The following KCNMA1 variants were observed in gnomAD, a reference collection of about 807,000 sequenced individuals.
The protein encoded by KCNMA1 is Calcium-activated potassium channel subunit alpha-1.
Under a neutral mutation model 140.0 loss-of-function variants are expected in KCNMA1, and 29 were observed. The ratio of observed to expected loss-of-function variants is 0.21; its 90% CI spans 0.15 to 0.28. The LOEUF is 0.28. Ranked by LOEUF, KCNMA1 falls within the 10% of genes least tolerant of loss-of-function variation. The pLI, the probability that KCNMA1 is intolerant of heterozygous loss-of-function variation, is 1.00. For synonymous variants in KCNMA1, 612 were observed against 611.9 expected, an observed-to-expected ratio of 1.00 and a Z score of 0.00; for missense variants, 880 against 1,602.2, an observed-to-expected ratio of 0.55 and a Z score of 7.70.
intron 3 of KCNMA1, among the ~76,000 whole-genome samples, chr10:77,200,205 C>T (rs1420666863): frequency 2.0e-5 from 3 of 152,160 alleles, no homozygotes; most frequent in African/African-American, 4.8e-5. Flanking sequence ...CCTGTCTTGG[C>T]CTCCCAAAGT....
At chr10:77,422,783 G>A (rs1011720411) in intron 1 of KCNMA1, among the ~76,000 whole-genome samples, 1 of 152,160 alleles carries the variant, frequency 6.6e-6, no homozygotes, top group African/African-American at 2.4e-5. Flanking sequence ...GACTGGAGTG[G>A]TGGCTGCAAG....
At chr10:76,907,909 C>T (rs1177535546) in intron 25 of KCNMA1, among the ~76,000 whole-genome samples, 1 of 152,050 alleles carries the variant, frequency 6.6e-6, no homozygotes, top group Non-Finnish European at 1.5e-5. Flanking sequence ...GAAAAGTGAC[C>T]TTGCAAATTA....
At chr10:77,037,674 G>A (rs1024926360) in intron 15 of KCNMA1, among the ~76,000 whole-genome samples, 18 of 152,136 alleles carry the variant, frequency 1.2e-4, no homozygotes, top group African/African-American at 4.1e-4. Flanking sequence ...GGGGCTTGAC[G>A]GAGCCCCTGC....
chr10:77,281,411 C>T (rs1601110167), intron 2 of KCNMA1, among the ~76,000 whole-genome samples: 1 of 152,198 alleles, frequency 6.6e-6, no homozygotes, highest in Non-Finnish European at 1.5e-5. Flanking sequence ...CACCTTTGTG[C>T]AGTACTCAAC....
chr10:77,217,582 A>T (rs1565283213), intron 3 of KCNMA1: 1 of 456,340 alleles, frequency 2.2e-6, no homozygotes, highest in African/African-American at 2.0e-5. Context: ...ACATGGAGAT[A>T]CTTACAGATG....
At chr10:77,136,169 A>C (rs903785526) in intron 5 of KCNMA1, among the ~76,000 whole-genome samples, 2 of 152,248 alleles carry the variant, frequency 1.3e-5, no homozygotes, top group Non-Finnish European at 2.9e-5. Flanking sequence ...AGAAAATATA[A>C]CAAAATATGG....
chr10:77,122,065 C>T (rs1164768223), intron 5 of KCNMA1, among the ~76,000 whole-genome samples: 2 of 152,198 alleles, frequency 1.3e-5, no homozygotes, highest in African/African-American at 4.8e-5. Flanking sequence ...ACTCCACGCC[C>T]GTGGGTGGGG....
At chr10:77,095,563 G>A (rs906280509) in intron 9 of KCNMA1, among the ~76,000 whole-genome samples, 1 of 152,152 alleles carries the variant, frequency 6.6e-6, no homozygotes, top group Non-Finnish European at 1.5e-5. Context: ...GGAGGGGTAA[G>A]AATGACTTCA....
At chr10:77,084,972 G>A (rs917775615) in intron 11 of KCNMA1, among the ~76,000 whole-genome samples, 3 of 152,078 alleles carry the variant, frequency 2.0e-5, no homozygotes, top group Admixed American at 6.6e-5. Flanking sequence ...ATTTGGCATC[G>A]TTGCTTACTT....
At chr10:77,586,349 T>C (rs1488773791) in intron 1 of KCNMA1, 1 of 152,230 alleles carries the variant, frequency 6.6e-6, no homozygotes, top group Non-Finnish European at 1.5e-5. Context: ...TCGACGTCCT[T>C]TTCTTGTGCT....
At chr10:76,961,433 T>G (rs1355444673) in intron 20 of KCNMA1, among the ~76,000 whole-genome samples, 1 of 152,196 alleles carries the variant, frequency 6.6e-6, no homozygotes, top group Non-Finnish European at 1.5e-5. Flanking sequence ...TGGAAGCTAC[T>G]CCTAGTGAAG....
chr10:76,880,111 T>G (rs951136709), downstream of KCNMA1, among the ~76,000 whole-genome samples: 2 of 152,222 alleles, frequency 1.3e-5, no homozygotes. Flanking sequence ...GTGAAAGACC[T>G]AAGACAGCTG....
At chr10:76,979,048 T>C (rs2078584412) in intron 19 of KCNMA1, among the ~76,000 whole-genome samples, 1 of 152,178 alleles carries the variant, frequency 6.6e-6, no homozygotes, top group South Asian at 2.1e-4. Flanking sequence ...GGGCAAAAGC[T>C]TCTCTCACCT....
At chr10:76,878,008 G>A (rs562497976) in intron 29 of KCNMA1, 109 of 949,064 alleles carry the variant, frequency 1.1e-4, no homozygotes, top group Admixed American at 9.8e-4. Flanking sequence ...GATAGAAGCC[G>A]ACAGTGAGTA....
chr10:77,278,168 C>G (rs1369078731), intron 2 of KCNMA1, among the ~76,000 whole-genome samples: 1 of 152,172 alleles, frequency 6.6e-6, no homozygotes, highest in Non-Finnish European at 1.5e-5. Flanking sequence ...TCAGACCCTA[C>G]TATGACTCTG....
At chr10:77,308,929 G>T (rs753158151) in intron 2 of KCNMA1, among the ~76,000 whole-genome samples, 3 of 152,118 alleles carry the variant, frequency 2.0e-5, no homozygotes, top group Non-Finnish European at 4.4e-5. Context: ...AGCTAAAATG[G>T]CCGCCAAGTC....
chr10:77,405,099 C>T (rs673195), intron 1 of KCNMA1, among the ~76,000 whole-genome samples: 101,927 of 152,050 alleles, frequency 0.67, 34,151 homozygotes, highest in East Asian at 0.83. Flanking sequence ...GAGCCCCACA[C>T]AGGGGCCGAA....
intron 5 of KCNMA1, among the ~76,000 whole-genome samples, chr10:77,142,658 C>A (rs2098205691): frequency 6.6e-6 from 1 of 152,068 alleles, no homozygotes; most frequent in Non-Finnish European, 1.5e-5. Flanking sequence ...CTGGTCCTGA[C>A]TTGAAAGAAA....
At chr10:77,382,727 T>C (rs1393001676) in intron 2 of KCNMA1, among the ~76,000 whole-genome samples, 1 of 150,380 alleles carries the variant, frequency 6.6e-6, no homozygotes, top group Admixed American at 6.6e-5. Context: ...TAGCTCGGTG[T>C]GGTGGTGGGT....
Sources: allele counts gnomAD v4.1 joint callset (sites outside exome capture counted in the v4.1 genomes callset), GRCh38; gene constraint gnomAD v4.1.1; transcripts MANE v1.5; gene names NCBI Gene and HGNC (gene_info 2026-07-23, HGNC 2026-07-21).